The following SIRT1 variants were observed in gnomAD, a reference collection of about 807,000 sequenced individuals.
SIRT1 encodes NAD-dependent protein deacetylase sirtuin-1.
Under a neutral mutation model 67.9 loss-of-function variants are expected in SIRT1, and 24 were observed. The observed-to-expected ratio is 0.35, with a 90% confidence interval of 0.26 to 0.50. The LOEUF is 0.50. Among genes scored for constraint, SIRT1 ranks in the 20% least tolerant of loss-of-function variants. The pLI is 0.98. For synonymous variants in SIRT1, 378 were observed against 350.7 expected, an observed-to-expected ratio of 1.08 and a Z score of -0.87; for missense variants, 873 against 937.2, an observed-to-expected ratio of 0.93 and a Z score of 0.89.
At chr10:67,893,617 A>G (rs1431870197) in intron 4 of SIRT1, among the ~76,000 whole-genome samples, 1 of 142,680 alleles carries the variant, frequency 7.0e-6, no homozygotes, top group Admixed American at 7.6e-5. Context: ...ATCTCTGCTC[A>G]CCATACAACC....
Position 67,916,300 on chromosome 10 carries a change from A to G in SIRT1, c.1951A>G (p.Ile651Val), listed in dbSNP as rs1332048288. 6.3e-7 allele frequency: 1 copy of G among 1,599,614 alleles called. No homozygotes were observed. ...QYLFLPPNRY[I>V]FHGAEVYSDS... ...TCTGTTTTTGCCACCAAATCGTTAC[A>G]TTTTCCATGGCGCTGAGGTATATTC... Residue 651 changes from isoleucine to valine, a missense_variant, in exon 9 of 9, where the codon ATT becomes GTT. Transcript: ENST00000212015.
intron 2 of SIRT1, among the ~76,000 whole-genome samples, chr10:67,888,346 G>A (rs1842518746): frequency 6.6e-6 from 1 of 152,050 alleles, no homozygotes; most frequent in South Asian, 2.1e-4. Context: ...TAGGGAGCTG[G>A]TTTGAGCAAT....
rs983336735 is a variant in SIRT1, at chr10:67,884,931, G to A, written c.210G>A (p.Ala70=). 1.9e-5 allele frequency: 24 copies of A among 1,236,594 alleles called. No homozygotes were observed. The highest frequency in any genetic ancestry group is 2.4e-5 in the Non-Finnish European group (24 of 988,420). 76.6% of individuals were successfully genotyped at this position (1,236,594 alleles called of 1,614,324 possible). ...VPAAARGCPG[A]AAAALWREAE... ...CGGCGGCCAGGGGCTGCCCGGGTGC[G>A]GCGGCGGCGGCGCTGTGGCGGGAGG... Residue 70 remains alanine (A), a synonymous_variant, in exon 1 of 9, where the codon GCG becomes GCA. Transcript: ENST00000212015.
In SIRT1 at chr10:67,884,694, G is replaced by A. The variant is rs1042476726; in HGVS notation, c.-28G>A. On this transcript the variant is annotated 5_prime_UTR_variant, in exon 1 of 9. Coordinates refer to ENST00000212015, the MANE Select transcript of SIRT1 (RefSeq NM_012238.5). ...GTCGAGCGGGAGCAGAGGAGGCGAG[G>A]GAGGAGGGCCAGAGAGGCAGTTGGA... The A allele has an allele frequency of 4.1e-6, 5 of 1,227,974 alleles. No homozygotes were observed. The highest frequency in any genetic ancestry group is 8.5e-5 in the Admixed American group (2 of 23,554). The allele number at this position is 1,227,974 out of a possible 1,614,324, so 76.1% of individuals were successfully genotyped here.
At chr10:67,907,121 GTTAA>G (rs2131880486) in intron 5 of SIRT1, among the ~76,000 whole-genome samples, 184 bp downstream of exon 5, 1 of 152,262 alleles carries the variant, frequency 6.6e-6, no homozygotes, top group South Asian at 2.1e-4. Flanking sequence ...GGCCTTGACA[GTTAA>G]TTATAGAAAA....
rs773774776 is a variant in SIRT1 at position 67,888,929 on chromosome 10, C to A, written c.595C>A (p.Arg199=). 1 of 1,613,800 alleles carries A rather than the reference C, an allele frequency of 6.2e-7. No individual in the cohort carries two copies. The highest frequency in any genetic ancestry group is 8.5e-7 in the Non-Finnish European group (1 of 1,179,854). ...ACATCTTATGATTGGCACAGATCCT[C>A]GAACAATTCTTAAAGATTTATTGCC... is the stretch of plus-strand genomic sequence containing the variant. ...QQHLMIGTDP[R]TILKDLLPET... The change falls in exon 3 of 9, where the codon CGA becomes AGA. Residue 199 remains arginine, a synonymous_variant. Transcript: ENST00000212015.
At position 67,912,631 on chromosome 10, in the gene SIRT1, A is replaced by T. The variant is rs765272645; in HGVS notation, c.1515A>T (p.Val505=). The change falls in exon 8 of 9, where the codon GTA becomes GTT. Residue 505 remains valine, a synonymous_variant. Transcript: ENST00000212015. ...GEYAKLCCNP[V]KLSEITEKPP... ...ATGCCAAACTTTGCTGTAACCCTGT[A>T]AAGCTTTCAGAAATTACTGAAAAAC... 1 of 1,614,150 alleles carries T rather than the reference A, an allele frequency of 6.2e-7. No individual in the cohort carries two copies. Among genetic ancestry groups the T allele is most frequent in the Admixed American group, 1.7e-5 (1 of 60,004 alleles).
chr10:67,887,649 T>G (rs941490956), intron 2 of SIRT1, 116 bp downstream of exon 2: 2 of 619,696 alleles, frequency 3.2e-6, no homozygotes, highest in African/African-American at 3.7e-5. Context: ...CGATCTCGGC[T>G]CACCGTACCC....
chr10:67,887,796 G>T (rs1013894259), intron 2 of SIRT1, among the ~76,000 whole-genome samples: 8 of 152,138 alleles, frequency 5.3e-5, no homozygotes, highest in Admixed American at 1.3e-4. Flanking sequence ...GGCTGGTCTT[G>T]AACTCCCGAC....
chr10:67,903,696 G>A (rs946177471), intron 4 of SIRT1, among the ~76,000 whole-genome samples: 4 of 152,042 alleles, frequency 2.6e-5, no homozygotes, highest in Non-Finnish European at 5.9e-5. Context: ...CAATTTCTGC[G>A]GATAGTTCTA....
At chr10:67,895,364 A>C (rs369898046) in intron 4 of SIRT1, among the ~76,000 whole-genome samples, 5 of 152,192 alleles carry the variant, frequency 3.3e-5, no homozygotes, top group South Asian at 2.1e-4. Context: ...TGGAGGTTGC[A>C]GTGAGCCGAA....
At chr10:67,907,068 C>T (rs991531605) in intron 5 of SIRT1, 131 bp downstream of exon 5, 16 of 819,848 alleles carry the variant, frequency 2.0e-5, no homozygotes, top group African/African-American at 1.6e-4. Context: ...TTATCGATAA[C>T]CTCAGAAAAG....
At chr10:67,915,987 A>T (rs1487990046) in intron 8 of SIRT1, among the ~76,000 whole-genome samples, 1 of 152,126 alleles carries the variant, frequency 6.6e-6, no homozygotes, top group Non-Finnish European at 1.5e-5. Flanking sequence ...TATTGCTTGT[A>T]TTTATTTAAT....
chr10:67,905,859 C>T (rs1189543991), intron 4 of SIRT1, among the ~76,000 whole-genome samples: 2 of 152,126 alleles, frequency 1.3e-5, no homozygotes, highest in Non-Finnish European at 2.9e-5. Flanking sequence ...TTTTTAATGG[C>T]TACATATTCC....
At chr10:67,903,235 C>T (rs944786256) in intron 4 of SIRT1, among the ~76,000 whole-genome samples, 15 of 152,202 alleles carry the variant, frequency 9.9e-5, no homozygotes, top group Non-Finnish European at 1.6e-4. Context: ...GCAGGAACTA[C>T]AGGCCTGTGC....
chr10:67,916,507 G>C lies in SIRT1; in HGVS notation c.2158G>C (p.Asp720His). The change falls in exon 9 of 9, where the codon GAT becomes CAT. Residue 720 changes from aspartate (D) to histidine (H), a missense_variant. By Grantham distance (81) the Asp-to-His change is moderately conservative (BLOSUM62 -1). This residue lies in a region of SIRT1 where 295 missense variants were observed against 294.5 expected (regional missense o/e 1.00). Coordinates refer to ENST00000212015, the MANE Select transcript of SIRT1 (RefSeq NM_012238.5). ...ERAGGAGFGT[D>H]GDDQEAINEA... ...AGCTGGAGGAGCTGGATTTGGGACT[G>C]ATGGAGATGATCAAGAGGCAATTAA... is the stretch of plus-strand genomic sequence containing the variant. The C allele has an allele frequency of 6.2e-7, 1 of 1,614,148 alleles. No individual in the cohort carries two copies.
chr10:67,909,466 G>T (rs749276561), intron 7 of SIRT1, 24 bp downstream of exon 7: 1 of 1,581,656 alleles, frequency 6.3e-7, no homozygotes, highest in East Asian at 2.2e-5. Context: ...GGTTTTTGGA[G>T]AACATTTCTA....
chr10:67,906,259 G>T (rs1194109087), intron 4 of SIRT1: 2 of 1,586,076 alleles, frequency 1.3e-6, no homozygotes, highest in Non-Finnish European at 8.6e-7. Flanking sequence ...ACCAGTATGT[G>T]CCTGTGCAGT....
chr10:67,915,189 A>G (rs981159725), intron 8 of SIRT1, among the ~76,000 whole-genome samples: 23 of 152,290 alleles, frequency 1.5e-4, no homozygotes, highest in Admixed American at 1.2e-3. Flanking sequence ...ATGCAGTATG[A>G]AAAAGTTCGA....
Sources: allele counts gnomAD v4.1 joint callset (sites outside exome capture counted in the v4.1 genomes callset), GRCh38; gene constraint gnomAD v4.1.1; regional missense constraint gnomAD v4.1.1; transcripts MANE v1.5; gene names NCBI Gene and HGNC (gene_info 2026-07-23, HGNC 2026-07-21).